Variants in RNF38 observed in about 807,000 individuals in gnomAD.
RNF38 encodes the protein ring finger protein 38.
In RNF38, 15 loss-of-function variants were observed where a neutral mutation model predicts 67.2. That is an observed-to-expected ratio of 0.22 (90% confidence interval 0.15 to 0.34). The LOEUF is 0.34. RNF38 is among the 10% of genes least tolerant of loss of function. The pLI, the probability that RNF38 is intolerant of heterozygous loss-of-function variation, is 1.00. For synonymous variants in RNF38, 220 were observed against 218.8 expected, an observed-to-expected ratio of 1.01 and a Z score of -0.05; for missense variants, 524 against 639.9, an observed-to-expected ratio of 0.82 and a Z score of 1.95.
intron 1 of RNF38, among the ~76,000 whole-genome samples, chr9:36,399,206 C>G (rs1051094959): frequency 6.6e-6 from 1 of 152,062 alleles, no homozygotes; most frequent in African/African-American, 2.4e-5. Context: ...CATATAAAGC[C>G]CAACAAGTAT....
In RNF38 at chr9:36,356,295, A is replaced by G; in HGVS notation, c.909+8T>C. ...TAAACATTCTGACATAATAGTAGAGATACCTACCGATCGTGATTGCTGTGT... is the reference window on the plus strand; with the variant it reads ...TAAACATTCTGACATAATAGTAGAGGTACCTACCGATCGTGATTGCTGTGT... On this transcript the variant is annotated splice_region_variant and intron_variant, in intron 6 of 11. Coordinates refer to ENST00000259605, the MANE Select transcript of RNF38 (RefSeq NM_022781.5). 1 of 1,613,700 alleles carries G rather than the reference A, an allele frequency of 6.2e-7. No individual in the cohort carries two copies. The highest frequency in any genetic ancestry group is 8.5e-7 in the Non-Finnish European group (1 of 1,179,752).
At chr9:36,389,735 G>A (rs1451594630) in intron 2 of RNF38, among the ~76,000 whole-genome samples, 2 of 152,106 alleles carry the variant, frequency 1.3e-5, no homozygotes, top group Admixed American at 6.5e-5. Flanking sequence ...TTATTCAAAA[G>A]TCCCAGCCTT....
intron 3 of RNF38, among the ~76,000 whole-genome samples, chr9:36,373,411 A>G (rs1364469506): frequency 6.6e-6 from 1 of 152,152 alleles, no homozygotes; most frequent in Non-Finnish European, 1.5e-5. Flanking sequence ...CCAAAATCAC[A>G]TTATCTTAAC....
rs76825330 is a variant in RNF38, at chr9:36,471,882, C to T, written n.241+15426G>A. Among the ~76,000 whole-genome samples the T allele has an allele frequency of 8.0e-3, 1,216 of 152,272 alleles. 15 individuals carry two copies. The highest frequency in any genetic ancestry group is 0.028 in the African/African-American group (1,151 of 41,556). ...GTAGCTGGGATTACAGGTGAGCCACCGCATCCAATTTACAAATTCACTTTA... is the reference window on the plus strand; with the variant it reads ...GTAGCTGGGATTACAGGTGAGCCACTGCATCCAATTTACAAATTCACTTTA... On this transcript the variant is annotated intron_variant and non_coding_transcript_variant, in intron 1 of 3. Transcript: ENST00000488058.
chr9:36,401,032 C>T (rs1837997434), upstream of RNF38: 7 of 984,826 alleles, frequency 7.1e-6, no homozygotes, highest in Non-Finnish European at 8.4e-6. Flanking sequence ...GGCCGCGACA[C>T]GCGCGGTCCT....
chr9:36,362,922 A>G (rs1475873868), intron 4 of RNF38, among the ~76,000 whole-genome samples: 9,331 of 57,466 alleles, frequency 0.16, 1,855 homozygotes, highest in Non-Finnish European at 0.26. Flanking sequence ...GTGAGGCACC[A>G]CACCCGGCCC....
intron 6 of RNF38, among the ~76,000 whole-genome samples, chr9:36,353,620 G>A (rs1471325704): frequency 6.6e-6 from 1 of 152,116 alleles, no homozygotes; most frequent in Non-Finnish European, 1.5e-5. Flanking sequence ...AAGGCAAAAA[G>A]TCATCGAATA....
intron 3 of RNF38, among the ~76,000 whole-genome samples, chr9:36,372,840 C>T (rs1437448099): frequency 6.6e-6 from 1 of 152,182 alleles, no homozygotes; most frequent in African/African-American, 2.4e-5. Flanking sequence ...TACTCCTAGA[C>T]TTACATCCTA....
At chr9:36,344,658 G>A (rs927827623) in intron 10 of RNF38, among the ~76,000 whole-genome samples, 174 bp downstream of exon 10, 2 of 152,146 alleles carry the variant, frequency 1.3e-5, no homozygotes, top group African/African-American at 4.8e-5. Flanking sequence ...ACAAGCACTG[G>A]TTTAGACTAT....
At chr9:36,407,889 CTGTATTTTTTTT>C (rs1838221284) in intron 2 of RNF38, among the ~76,000 whole-genome samples, 2 of 152,158 alleles carry the variant, frequency 1.3e-5, no homozygotes, top group Admixed American at 6.5e-5. Flanking sequence ...GGAACCATCT[CTGTATTTTTTTT>C]AAATCCTGTA....
intron 2 of RNF38, among the ~76,000 whole-genome samples, chr9:36,387,956 T>C (rs1432805340): frequency 2.0e-5 from 3 of 152,076 alleles, no homozygotes; most frequent in African/African-American, 4.8e-5. Context: ...AGTATAGTCA[T>C]ATAATAGAAA....
At chr9:36,390,651 C>A (rs1343588467) in intron 1 of RNF38, 35 bp from the exon 2 acceptor site, 2 of 1,607,372 alleles carry the variant, frequency 1.2e-6, no homozygotes, top group Non-Finnish European at 1.7e-6. Context: ...TAGTTCATGG[C>A]TAGCTGCACC....
At chr9:36,463,553 T>C (rs904222851) in intron 1 of RNF38, among the ~76,000 whole-genome samples, 1 of 152,156 alleles carries the variant, frequency 6.6e-6, no homozygotes, top group Admixed American at 6.6e-5. Context: ...TATGAACTGT[T>C]TACCTTTTGG....
chr9:36,409,366 C>T (rs924029172), intron 2 of RNF38, among the ~76,000 whole-genome samples: 9 of 151,860 alleles, frequency 5.9e-5, no homozygotes, highest in African/African-American at 1.7e-4. Flanking sequence ...AGAAGGCAGG[C>T]GGGCGGGCAA....
chr9:36,460,819 G>A (rs901319547), intron 1 of RNF38, among the ~76,000 whole-genome samples: 6 of 144,956 alleles, frequency 4.1e-5, no homozygotes, highest in African/African-American at 1.5e-4. Flanking sequence ...CCCAGGAGGT[G>A]AAGGTTGCAG....
intron 2 of RNF38, among the ~76,000 whole-genome samples, chr9:36,423,812 G>A (rs1454659023): frequency 2.2e-5 from 2 of 89,534 alleles, no homozygotes; most frequent in African/African-American, 3.9e-5. Context: ...AGCCGGGCGT[G>A]GTGGCGGGCG....
At chr9:36,371,759 T>C (rs1174175824) in intron 3 of RNF38, among the ~76,000 whole-genome samples, 2 of 151,902 alleles carry the variant, frequency 1.3e-5, no homozygotes, top group Admixed American at 6.6e-5. Context: ...GCCTACATTA[T>C]TTCTTTTAAA....
At chr9:36,477,687 G>T (rs1231739712) in intron 1 of RNF38, among the ~76,000 whole-genome samples, 1 of 151,766 alleles carries the variant, frequency 6.6e-6, no homozygotes, top group East Asian at 1.9e-4. Flanking sequence ...GCCGGGCGTG[G>T]TGGGGGGCGC....
At chr9:36,444,835 A>T (rs911019462) in intron 1 of RNF38, among the ~76,000 whole-genome samples, 1 of 151,558 alleles carries the variant, frequency 6.6e-6, no homozygotes, top group African/African-American at 2.4e-5. Flanking sequence ...GGAATACCAC[A>T]CCCCTCAAAT....
Sources: gnomAD v4.1 joint callset for allele counts (sites outside exome capture counted in the v4.1 genomes callset) on GRCh38, gnomAD v4.1.1 for gene constraint, MANE v1.5 for transcripts, NCBI Gene and HGNC (gene_info 2026-07-23, HGNC 2026-07-21) for gene names.